Variants in MSH4 observed in about 807,000 individuals in gnomAD.
MSH4 encodes the protein mutS protein homolog 4.
In MSH4, 106 loss-of-function variants were observed where a neutral mutation model predicts 113.7. The observed-to-expected ratio is 0.93, with a 90% confidence interval of 0.80 to 1.10. MSH4 has a LOEUF of 1.10. Ranked by LOEUF, MSH4 falls within the 50% of genes least tolerant of loss-of-function variation. The pLI, the probability that MSH4 is intolerant of heterozygous loss-of-function variation, is 0.00. For missense variants in MSH4, 1,061 were observed against 1,093.7 expected (o/e 0.97, Z 0.42); for synonymous variants, 368 against 380.2 (o/e 0.97, Z 0.37).
chr1:75,833,541 C>G (rs879999847), intron 7 of MSH4, among the ~76,000 whole-genome samples: 2 of 152,190 alleles, frequency 1.3e-5, no homozygotes, highest in African/African-American at 4.8e-5. Context: ...AACTACACTA[C>G]AAGCCTACAG....
intron 8 of MSH4, among the ~76,000 whole-genome samples, chr1:75,861,367 C>T (rs1651452073): frequency 6.6e-6 from 1 of 152,202 alleles, no homozygotes; most frequent in Non-Finnish European, 1.5e-5. Flanking sequence ...TATTTTCAGC[C>T]TTTCTGCTCT....
chr1:75,855,939 A>C (rs1233716766), intron 8 of MSH4, among the ~76,000 whole-genome samples: 1 of 152,174 alleles, frequency 6.6e-6, no homozygotes, highest in African/African-American at 2.4e-5. Flanking sequence ...CAATCTCTTT[A>C]TTGTCAATTT....
intron 8 of MSH4, among the ~76,000 whole-genome samples, chr1:75,865,309 T>C (rs530069075): frequency 3.3e-5 from 5 of 152,328 alleles, no homozygotes; most frequent in East Asian, 1.9e-4. Context: ...CAGTTTTTTT[T>C]CCCTTCATAG....
At chr1:75,831,707 G>A (rs1370576321) in intron 7 of MSH4, among the ~76,000 whole-genome samples, 4 of 152,138 alleles carry the variant, frequency 2.6e-5, no homozygotes, top group Admixed American at 2.6e-4. Flanking sequence ...ATGAAATGAA[G>A]GCAGAAATAA....
intron 7 of MSH4, among the ~76,000 whole-genome samples, chr1:75,836,091 T>C (rs1650821737): frequency 6.6e-6 from 1 of 152,144 alleles, no homozygotes; most frequent in African/African-American, 2.4e-5. Flanking sequence ...TGTGAAGATA[T>C]GAAAGCCTAG....
chr1:75,799,200 T>C (rs1649882318), intron 1 of MSH4, among the ~76,000 whole-genome samples: 1 of 152,226 alleles, frequency 6.6e-6, no homozygotes, highest in Non-Finnish European at 1.5e-5. Flanking sequence ...CATTCACTAA[T>C]TTATATGCAC....
chr1:75,803,200 G>C (rs933768819), intron 1 of MSH4, among the ~76,000 whole-genome samples: 1 of 152,140 alleles, frequency 6.6e-6, no homozygotes, highest in Non-Finnish European at 1.5e-5. Flanking sequence ...AGCCAGAGTA[G>C]TTGCAGTGAA....
chr1:75,885,027 A>G (rs539482470), intron 15 of MSH4, among the ~76,000 whole-genome samples: 5,410 of 120,292 alleles, frequency 0.045, 150 homozygotes, highest in African/African-American at 0.066. Context: ...GTATATATAT[A>G]TATGTGTGTG....
chr1:75,905,993 T>G (rs1652619676), intron 19 of MSH4, among the ~76,000 whole-genome samples: 1 of 152,040 alleles, frequency 6.6e-6, no homozygotes, highest in South Asian at 2.1e-4. Context: ...CTTATTTTAT[T>G]TCTTTTATTT....
At chr1:75,861,727 G>T (rs1342480978) in intron 8 of MSH4, among the ~76,000 whole-genome samples, 1 of 152,202 alleles carries the variant, frequency 6.6e-6, no homozygotes, top group Non-Finnish European at 1.5e-5. Flanking sequence ...AGGGATCAGG[G>T]ACCCACTTGA....
In MSH4 at chr1:75,803,729, A is replaced by T. The variant is rs753881936; in HGVS notation, c.245-2A>T. 1 of 1,543,282 alleles carries T rather than the reference A, an allele frequency of 6.5e-7. No homozygotes were observed. Among genetic ancestry groups the T allele is most frequent in the Non-Finnish European group, 8.7e-7 (1 of 1,149,104 alleles). ...AATTGACTGTTAATTTTTCAAATTT[A>T]GGTTCATACTTTGGAAACAAAAGAG... On this transcript the variant is annotated splice_acceptor_variant, in intron 1 of 19. Coordinates refer to ENST00000263187, the MANE Select transcript of MSH4 (RefSeq NM_002440.4). LOFTEE classifies it high-confidence loss of function.
chr1:75,812,608 C>T (rs1650213405), intron 4 of MSH4, among the ~76,000 whole-genome samples: 1 of 152,070 alleles, frequency 6.6e-6, no homozygotes, highest in Admixed American at 6.6e-5. Context: ...GCAGGAGAAT[C>T]GCTTGAACCT....
At chr1:75,809,698 T>G (rs1249828562) in intron 3 of MSH4, among the ~76,000 whole-genome samples, 1 of 145,828 alleles carries the variant, frequency 6.9e-6, no homozygotes, top group Non-Finnish European at 1.5e-5. Flanking sequence ...TGGAGTGCAG[T>G]GGCACAATCT....
At position 75,797,097 on chromosome 1, in the gene MSH4, A is replaced by G; in HGVS notation, c.112A>G (p.Thr38Ala). ...CCGCTACAATTTCGGACTCCAGGAG[A>G]CTCCACAGAGCCGCCCTTCGGTCCA... ...GPRYNFGLQE[T>A]PQSRPSVQVV... The change falls in exon 1 of 20, where the codon ACT becomes GCT. Residue 38 changes from threonine to alanine, a missense_variant. Physicochemically the swap from Thr to Ala is moderately conservative, Grantham distance 58 (BLOSUM62 0). Coordinates refer to ENST00000263187, the MANE Select transcript of MSH4 (RefSeq NM_002440.4). 7 of 1,613,418 alleles carry G rather than the reference A, an allele frequency of 4.3e-6. No homozygotes were observed. Among genetic ancestry groups the G allele is most frequent in the South Asian group, 1.1e-5 (1 of 91,036 alleles).
At chr1:75,886,823 T>TAC in intron 15 of MSH4, among the ~76,000 whole-genome samples, 1 of 45,680 alleles carries the variant, frequency 2.2e-5, no homozygotes, top group African/African-American at 6.5e-5. Flanking sequence ...CTCACACTGG[T>TAC]ACATATATAT....
intron 10 of MSH4, 136 bp from the exon 11 acceptor site, chr1:75,878,013 A>G: frequency 1.6e-6 from 1 of 640,588 alleles, no homozygotes; most frequent in Non-Finnish European, 2.6e-6. Flanking sequence ...GTAAATTTAA[A>G]TATTTGTTGC....
chr1:75,905,874 T>C (rs965040823), intron 19 of MSH4, among the ~76,000 whole-genome samples: 1 of 152,186 alleles, frequency 6.6e-6, no homozygotes, highest in East Asian at 1.9e-4. Flanking sequence ...CTACTCCTGC[T>C]CTTTTTTGGT....
intron 7 of MSH4, among the ~76,000 whole-genome samples, chr1:75,844,992 G>A (rs568356738): frequency 6.6e-6 from 1 of 152,286 alleles, no homozygotes; most frequent in East Asian, 1.9e-4. Context: ...AGAGGAAGGG[G>A]AGCAAACTCA....
chr1:75,847,643 G>T (rs889494454), intron 7 of MSH4, among the ~76,000 whole-genome samples: 3 of 152,116 alleles, frequency 2.0e-5, no homozygotes, highest in African/African-American at 7.2e-5. Context: ...CTCAGCCTCT[G>T]GTCAGGGCTT....
Sources: allele counts gnomAD v4.1 joint callset (sites outside exome capture counted in the v4.1 genomes callset), GRCh38; gene constraint gnomAD v4.1.1; transcripts MANE v1.5; gene names NCBI Gene and HGNC (gene_info 2026-07-23, HGNC 2026-07-21).